Variants in CLSTN1 observed in about 807,000 individuals in gnomAD.
CLSTN1 encodes the protein calsyntenin-1.
In CLSTN1, 28 loss-of-function variants were observed where a neutral mutation model predicts 108.3. The ratio of observed to expected loss-of-function variants is 0.26; its 90% CI spans 0.19 to 0.35. The LOEUF is 0.35. CLSTN1 is among the 10% of genes least tolerant of loss of function. CLSTN1 has a pLI of 1.00. For synonymous variants in CLSTN1, 524 were observed against 534.9 expected, an observed-to-expected ratio of 0.98 and a Z score of 0.28; for missense variants, 1,157 against 1,302.6, an observed-to-expected ratio of 0.89 and a Z score of 1.72.
chr1:9,742,284 G>A (rs1384225603), intron 9 of CLSTN1, among the ~76,000 whole-genome samples: 3 of 152,046 alleles, frequency 2.0e-5, no homozygotes, highest in African/African-American at 4.8e-5. Context: ...ACATACAGGC[G>A]GGCGTCTACA....
At chr1:9,767,475 G>A (rs1244245160) in intron 2 of CLSTN1, among the ~76,000 whole-genome samples, 1 of 151,656 alleles carries the variant, frequency 6.6e-6, no homozygotes, top group Non-Finnish European at 1.5e-5. Context: ...AACCCAGGAG[G>A]CGGAGGTTGC....
intron 1 of CLSTN1, chr1:9,781,064 T>C: frequency 1.5e-6 from 1 of 647,146 alleles, no homozygotes; most frequent in South Asian, 1.8e-5. Flanking sequence ...CAACCTGTAC[T>C]AATCACACAT....
In CLSTN1 at chr1:9,746,618, G is replaced by A. The variant is rs183437670; in HGVS notation, c.986-1975C>T. ...AATCTCAGCTACTTGGGAGGCTGAGGTGGGAGAATCACTTAAACACAGGAA... is the reference window on the plus strand; with the variant it reads ...AATCTCAGCTACTTGGGAGGCTGAGATGGGAGAATCACTTAAACACAGGAA... On this transcript the variant is annotated intron_variant, in intron 7 of 18. Coordinates refer to ENST00000377298, the MANE Select transcript of CLSTN1 (RefSeq NM_001009566.3). 7.8e-3 allele frequency among the ~76,000 whole-genome samples: 1,182 copies of A among 152,150 alleles called. 15 individuals are homozygous for A. The highest frequency in any genetic ancestry group is 0.024 in the African/African-American group (1,002 of 41,506).
chr1:9,794,295 G>A (rs148809101), intron 1 of CLSTN1, among the ~76,000 whole-genome samples: 206 of 151,426 alleles, frequency 1.4e-3, no homozygotes, highest in African/African-American at 4.6e-3. Context: ...ACTGTTGACC[G>A]TATATTTTCA....
intron 7 of CLSTN1, among the ~76,000 whole-genome samples, chr1:9,747,722 CT>C (rs1557696449): frequency 1.3e-5 from 2 of 152,060 alleles, no homozygotes; most frequent in African/African-American, 4.8e-5. Context: ...TCTTAGACCC[CT>C]GACCTCAAGT....
At chr1:9,811,151 TCAAA>T (rs1557726161) in intron 1 of CLSTN1, among the ~76,000 whole-genome samples, 3 of 152,314 alleles carry the variant, frequency 2.0e-5, no homozygotes, top group East Asian at 1.9e-4. Context: ...ATTATTTCAT[TCAAA>T]CAAACAGTAA....
intron 11 of CLSTN1, among the ~76,000 whole-genome samples, chr1:9,736,375 C>T (rs902673404): frequency 1.3e-5 from 2 of 152,052 alleles, no homozygotes; most frequent in Non-Finnish European, 2.9e-5. Context: ...ACACTTCCTA[C>T]GCCACCAGCC....
chr1:9,801,869 T>C (rs1341631788), intron 1 of CLSTN1, among the ~76,000 whole-genome samples: 1 of 152,186 alleles, frequency 6.6e-6, no homozygotes, highest in African/African-American at 2.4e-5. Context: ...GCCACCATTA[T>C]TCTATCAAAA....
intron 1 of CLSTN1, among the ~76,000 whole-genome samples, chr1:9,792,696 T>C (rs1299572620): frequency 6.6e-6 from 1 of 151,332 alleles, no homozygotes. Flanking sequence ...CCAGAGAGGA[T>C]GCGTGAAGAT....
intron 1 of CLSTN1, among the ~76,000 whole-genome samples, chr1:9,797,502 G>A (rs889495997): frequency 2.6e-5 from 4 of 152,132 alleles, no homozygotes; most frequent in South Asian, 2.1e-4. Flanking sequence ...TTAGCCTGGC[G>A]TGGTGGTGCA....
chr1:9,757,406 T>C lies in CLSTN1; in HGVS notation c.215-896A>G, dbSNP rs542379349. ...ACAGGCGCCCGCCACCACGCCCAGT[T>C]AATTTTTTGTATTTTTAGTAGAGAC... is the stretch of plus-strand genomic sequence containing the variant. On this transcript the variant is annotated intron_variant, in intron 2 of 18. Coordinates refer to ENST00000377298, the MANE Select transcript of CLSTN1 (RefSeq NM_001009566.3). Among the ~76,000 whole-genome samples the C allele has an allele frequency of 8.1e-4, 122 of 151,546 alleles. 1 individual carries two copies. The highest frequency in any genetic ancestry group is 2.3e-3 in the African/African-American group (93 of 41,330).
At chr1:9,733,635 T>TA in intron 15 of CLSTN1, 89 bp from the exon 16 acceptor site, 2 of 1,515,158 alleles carry the variant, frequency 1.3e-6, no homozygotes, top group Non-Finnish European at 1.8e-6. Context: ...CAGGCTCAAT[T>TA]AGACACCCAG....
rs76556057 is a variant in CLSTN1, at chr1:9,734,574, C to T, written c.2110+374G>A. ...TGGGCGACAGAGTGAGACTCCATCT[C>T]AAAAAAAAAAAAAAAGGGGGGGAGT... On this transcript the variant is annotated intron_variant, in intron 14 of 18. Transcript: ENST00000377298. This position sits in a 1 kb window ranked among gnomAD's most constrained non-coding sequence, Gnocchi z 4.8. Among the ~76,000 whole-genome samples, 1 of 101,996 alleles carries T rather than the reference C, an allele frequency of 9.8e-6. No homozygotes were observed. Among genetic ancestry groups the T allele is most frequent in the African/African-American group, 3.7e-5 (1 of 27,006 alleles). 66.9% of individuals were successfully genotyped at this position (101,996 alleles called of 152,430 possible). A position where few individuals can be genotyped will look rare whatever the true frequency, so the allele number is the denominator to read the frequency against.
At chr1:9,808,617 G>A (rs986666378) in intron 1 of CLSTN1, among the ~76,000 whole-genome samples, 1 of 152,148 alleles carries the variant, frequency 6.6e-6, no homozygotes, top group Non-Finnish European at 1.5e-5. Context: ...CATGAGCGGA[G>A]GTAGTCAGGA....
At chr1:9,800,557 G>GAA (rs55929301) in intron 1 of CLSTN1, among the ~76,000 whole-genome samples, 30 of 77,286 alleles carry the variant, frequency 3.9e-4, no homozygotes, top group African/African-American at 9.2e-4. Flanking sequence ...GTCTCCACTA[G>GAA]AAAAAAAAAA....
At chr1:9,788,878 A>G (rs1000754164) in intron 1 of CLSTN1, among the ~76,000 whole-genome samples, 2 of 151,176 alleles carry the variant, frequency 1.3e-5, no homozygotes, top group Non-Finnish European at 2.9e-5. Context: ...AAAAAAAAAA[A>G]AAAAAAAAAA....
intron 10 of CLSTN1, 45 bp from the exon 11 acceptor site, chr1:9,737,599 T>C (rs1238987860): frequency 6.4e-7 from 1 of 1,574,012 alleles, no homozygotes; most frequent in Non-Finnish European, 8.7e-7. Context: ...ACTGAGAGGT[T>C]AGGGTCTTCA....
intron 1 of CLSTN1, among the ~76,000 whole-genome samples, chr1:9,782,879 C>T (rs946003289): frequency 1.3e-5 from 2 of 152,184 alleles, no homozygotes; most frequent in Admixed American, 1.3e-4. Flanking sequence ...TGGTGGCACA[C>T]GCCTATAATC....
rs150542064 is a variant in CLSTN1, at chr1:9,750,040, G to A, written c.650-127C>T. On this transcript the variant is annotated intron_variant, in intron 5 of 18. Transcript: ENST00000377298. ...AATACTCAGCCAGAAATAAACATAT[G>A]CTTGGGATGCTTAACCCTCAACCTG... The A allele has an allele frequency of 5.3e-3, 3,815 of 720,214 alleles. 84 individuals are homozygous for A. The highest frequency in any genetic ancestry group is 0.048 in the East Asian group (1,762 of 37,012). 44.6% of individuals were successfully genotyped at this position (720,214 alleles called of 1,614,324 possible).
Sources: allele counts gnomAD v4.1 joint callset (sites outside exome capture counted in the v4.1 genomes callset), GRCh38; gene constraint gnomAD v4.1.1; non-coding constraint Gnocchi (gnomAD v3.1); transcripts MANE v1.5; gene names NCBI Gene and HGNC (gene_info 2026-07-23, HGNC 2026-07-21).